The following AHCY variants were observed in gnomAD, a reference collection of about 807,000 sequenced individuals.
AHCY encodes the protein S-adenosyl-L-homocysteine hydrolase.
In AHCY, 24 loss-of-function variants were observed where a neutral mutation model predicts 45.4. The observed-to-expected ratio is 0.53, with a 90% CI of 0.38 to 0.74. The LOEUF is 0.74. Ranked by LOEUF, AHCY falls within the 30% of genes least tolerant of loss-of-function variation. The pLI, the probability that AHCY is intolerant of heterozygous loss-of-function variation, is 0.00. For synonymous variants in AHCY, 245 were observed against 235.1 expected (o/e 1.04, Z -0.39); for missense variants, 449 against 594.1 (o/e 0.76, Z 2.54).
At chr20:34,266,728 C>A in the AHCY span, among the ~76,000 whole-genome samples, 2 of 152,152 alleles carry the variant, frequency 1.3e-5, no homozygotes, top group Non-Finnish European at 2.9e-5. Context: ...TAGAAAGGCA[C>A]TAAGGACACG....
chr20:34,269,214 G>C, the AHCY span: 3 of 1,440,450 alleles, frequency 2.1e-6, no homozygotes, highest in Non-Finnish European at 2.7e-6. Context: ...GGGGACGCGG[G>C]GCGCTTCTCG....
chr20:34,285,084 G>C (rs1378292167), intron 9 of AHCY, among the ~76,000 whole-genome samples: 1 of 152,152 alleles, frequency 6.6e-6, no homozygotes. Context: ...GAAGGGGGTT[G>C]CTATTACCTT....
the AHCY span, among the ~76,000 whole-genome samples, chr20:34,264,228 G>A: frequency 3.9e-5 from 6 of 152,074 alleles, no homozygotes; most frequent in African/African-American, 1.4e-4. Flanking sequence ...CAAATGTAAA[G>A]ATGTAGTACT....
At chr20:34,307,801 T>G (rs1162420216), upstream of AHCY, among the ~76,000 whole-genome samples, 2 of 152,236 alleles carry the variant, frequency 1.3e-5, no homozygotes, top group Admixed American at 1.3e-4. Context: ...TAAAAAAATT[T>G]TTTAACTTTT....
At chr20:34,249,130 A>G in the AHCY span, among the ~76,000 whole-genome samples, 3 of 149,224 alleles carry the variant, frequency 2.0e-5, no homozygotes, top group East Asian at 3.9e-4. Context: ...CCCTGTCTCG[A>G]AAAAAAAAAA....
chr20:34,251,365 G>A, the AHCY span, among the ~76,000 whole-genome samples: 5 of 151,400 alleles, frequency 3.3e-5, no homozygotes, highest in East Asian at 3.9e-4. Flanking sequence ...CCACCTCCCC[G>A]GTTCACACCA....
Position 34,303,354 on chromosome 20 carries a change from G to A in AHCY, c.-84C>T. 5 of 1,535,410 alleles carry A rather than the reference G, an allele frequency of 3.3e-6. No homozygotes were observed. Among genetic ancestry groups the A allele is most frequent in the South Asian group, 2.4e-5 (2 of 83,718 alleles). On this transcript the variant is annotated 5_prime_UTR_variant, in exon 1 of 10. Coordinates refer to ENST00000217426, the MANE Select transcript of AHCY (RefSeq NM_000687.4). ...GAACTGGGCGGGCAGCGCCGAGCAG[G>A]GATATGCGCGTGGCGCCGACGCCTT... is the stretch of plus-strand genomic sequence containing the variant.
At position 34,292,407 on chromosome 20, in the gene AHCY, C is replaced by T. The variant is rs754422062; in HGVS notation, c.396G>A (p.Gly132=). 2 of 1,613,742 alleles carry T rather than the reference C, an allele frequency of 1.2e-6. No individual in the cohort carries two copies. Among genetic ancestry groups the T allele is most frequent in the South Asian group, 1.1e-5 (1 of 91,048 alleles). Residue 132 remains glycine (G), a synonymous_variant, in exon 4 of 10, where the codon GGG becomes GGA. Transcript: ENST00000217426. ...TGTGGATGAGGTTGGTGAGGTCGCC[C>T]CCGTCGTCCAGAATCATGTTGAGGG... ...DGPLNMILDD[G]GDLTNLIHTK...
At chr20:34,235,899 AAAGG>A in the AHCY span, among the ~76,000 whole-genome samples, 454 of 64,418 alleles carry the variant, frequency 7.0e-3, 49 homozygotes, top group African/African-American at 0.05. Flanking sequence ...GGAAGGAAGG[AAAGG>A]AAGGAAGGAA....
At chr20:34,275,320 C>T (rs1040800139), downstream of AHCY, among the ~76,000 whole-genome samples, 5 of 151,642 alleles carry the variant, frequency 3.3e-5, no homozygotes, top group African/African-American at 9.7e-5. Flanking sequence ...TTAGTAGAGA[C>T]GGGGTTTCAC....
the AHCY span, among the ~76,000 whole-genome samples, chr20:34,267,850 A>AAAAAAAGG: frequency 6.6e-6 from 1 of 152,088 alleles, no homozygotes; most frequent in African/African-American, 2.4e-5. Flanking sequence ...ATTTAAAAAA[A>AAAAAAAGG]AAAAAGGTGC....
chr20:34,280,744 G>A lies in AHCY; in HGVS notation c.*290C>T, dbSNP rs1429144449. ...TTTGTGACTCCACTACTGACTTCCA[G>A]GCTAAGGAAGGACTGACTTAGTGAG... On this transcript the variant is annotated 3_prime_UTR_variant, in exon 10 of 10. Coordinates refer to ENST00000217426, the MANE Select transcript of AHCY (RefSeq NM_000687.4). 8 of 467,436 alleles carry A rather than the reference G, an allele frequency of 1.7e-5. No homozygotes were observed. The highest frequency in any genetic ancestry group is 1.2e-5 in the Non-Finnish European group (3 of 252,860). The allele number at this position is 467,436 out of a possible 1,614,324, so 29.0% of individuals were successfully genotyped here.
At chr20:34,276,130 T>C (rs1039677110), downstream of AHCY, among the ~76,000 whole-genome samples, 39 of 152,282 alleles carry the variant, frequency 2.6e-4, no homozygotes, top group Admixed American at 2.2e-3. Flanking sequence ...TCTTTTACAG[T>C]TGCCACCTCC....
Position 34,295,463 on chromosome 20 carries a change from C to A in AHCY, c.151G>T (p.Ala51Ser), listed in dbSNP as rs1050611362. 3 of 1,614,138 alleles carry A rather than the reference C, an allele frequency of 1.9e-6. No homozygotes were observed. Among genetic ancestry groups the A allele is most frequent in the Middle Eastern group, 1.6e-4 (1 of 6,062 alleles). ...ASKPLKGARI[A>S]GCLHMTVETA... ...TCCACGGTCATGTGCAGGCAGCCAG[C>A]GATGCGGGCGCCCTTCAGTGGCTTG... Residue 51 changes from alanine (A) to serine (S), a missense_variant, in exon 2 of 10, where the codon GCT becomes TCT. Coordinates refer to ENST00000217426, the MANE Select transcript of AHCY (RefSeq NM_000687.4).
chr20:34,298,260 C>T (rs1173659896), intron 1 of AHCY, among the ~76,000 whole-genome samples: 1 of 152,066 alleles, frequency 6.6e-6, no homozygotes, highest in East Asian at 1.9e-4. Context: ...AATAGTTATA[C>T]TAGATATAGA....
intron 1 of AHCY, among the ~76,000 whole-genome samples, chr20:34,296,601 C>T (rs2036586111): frequency 1.3e-5 from 2 of 152,170 alleles, no homozygotes; most frequent in African/African-American, 4.8e-5. Context: ...AATACTCTCC[C>T]CTACCACACT....
intron 4 of AHCY, 141 bp downstream of exon 4, chr20:34,292,217 T>C: frequency 8.3e-7 from 1 of 1,202,978 alleles, no homozygotes; most frequent in Non-Finnish European, 1.2e-6. Context: ...CCAGCATGAA[T>C]GCCAGAGCCT....
the AHCY span, among the ~76,000 whole-genome samples, chr20:34,233,946 A>G: frequency 5.3e-5 from 8 of 152,360 alleles, no homozygotes; most frequent in Admixed American, 5.2e-4. Flanking sequence ...ACTCAGTGCA[A>G]TATGGCCTCT....
intron 1 of AHCY, chr20:34,302,424 C>T (rs1417743609): frequency 5.4e-6 from 1 of 186,514 alleles, no homozygotes; most frequent in East Asian, 1.9e-4. Flanking sequence ...GCTCAGAGAT[C>T]TAGATGGCCT....
Sources: allele counts gnomAD v4.1 joint callset (sites outside exome capture counted in the v4.1 genomes callset), GRCh38; gene constraint gnomAD v4.1.1; transcripts MANE v1.5; gene names NCBI Gene and HGNC (gene_info 2026-07-23, HGNC 2026-07-21).